Variants in MCUB observed in about 807,000 individuals in gnomAD.
MCUB encodes mitochondrial calcium uniporter dominant negative subunit beta, also known as calcium uniporter regulatory subunit MCUb, mitochondrial.
Under a neutral mutation model 41.4 loss-of-function variants are expected in MCUB, and 46 were observed. That is an observed-to-expected ratio of 1.11 (90% CI 0.88 to 1.42). The LOEUF (loss-of-function observed/expected upper bound fraction) is 1.42. MCUB is among the 40% of genes most tolerant of loss of function. The pLI is 0.00. For missense variants in MCUB, 403 were observed against 404.9 expected (o/e 1.00, Z 0.04); for synonymous variants, 148 against 148.2 (o/e 1.00, Z 0.01).
At chr4:109,587,248 C>T (rs528150178) in intron 1 of MCUB, among the ~76,000 whole-genome samples, 9 of 152,354 alleles carry the variant, frequency 5.9e-5, no homozygotes, top group South Asian at 4.1e-4. Context: ...GCTCCATGGG[C>T]GTGGGACCCA....
chr4:109,641,949 G>A (rs1728724450), intron 1 of MCUB, among the ~76,000 whole-genome samples: 1 of 152,128 alleles, frequency 6.6e-6, no homozygotes, highest in African/African-American at 2.4e-5. Flanking sequence ...TATAAAAGTG[G>A]TGACTATAAA....
intron 1 of MCUB, among the ~76,000 whole-genome samples, chr4:109,630,461 CTA>C (rs1176081658): frequency 6.6e-6 from 1 of 152,056 alleles, no homozygotes; most frequent in African/African-American, 2.4e-5. Context: ...GACCCCATCT[CTA>C]AAAAAATTTT....
chr4:109,600,543 CT>C, intron 1 of MCUB, among the ~76,000 whole-genome samples: 1 of 152,336 alleles, frequency 6.6e-6, no homozygotes, highest in South Asian at 2.1e-4. Context: ...AGTCACCCAT[CT>C]GATGCTCTGA....
chr4:109,646,789 C>G (rs1480597701), intron 1 of MCUB, among the ~76,000 whole-genome samples: 1 of 152,148 alleles, frequency 6.6e-6, no homozygotes, highest in Non-Finnish European at 1.5e-5. Context: ...GGTGTTCTGT[C>G]TGGAATGTTC....
intron 1 of MCUB, among the ~76,000 whole-genome samples, chr4:109,617,758 T>C (rs1728163067): frequency 6.6e-6 from 1 of 152,250 alleles, no homozygotes; most frequent in Admixed American, 6.5e-5. Context: ...ATGTTACAGT[T>C]AACATCTTTA....
chr4:109,604,094 C>T (rs1039862052), intron 1 of MCUB, among the ~76,000 whole-genome samples: 104 of 151,926 alleles, frequency 6.8e-4, no homozygotes, highest in Admixed American at 6.4e-3. Context: ...CCCCCAACCC[C>T]GTGCTCTCTG....
chr4:109,563,594 A>G (rs1275257580), intron 1 of MCUB, among the ~76,000 whole-genome samples: 3 of 152,246 alleles, frequency 2.0e-5, no homozygotes, highest in Non-Finnish European at 4.4e-5. Flanking sequence ...TCTCAAAGTA[A>G]TGCTAGACCA....
intron 1 of MCUB, among the ~76,000 whole-genome samples, chr4:109,579,519 C>G (rs1048070867): frequency 9.2e-5 from 14 of 152,110 alleles, no homozygotes; most frequent in African/African-American, 3.1e-4. Context: ...AAGTGTAAAC[C>G]TCACATTTAA....
In MCUB at chr4:109,677,653, C is replaced by T. The variant is rs115937916; in HGVS notation, c.452-4929C>T. On this transcript the variant is annotated intron_variant, in intron 4 of 7. Transcript: ENST00000394650. ...TGGCAGTGGGTTCCTTAATAAAGGACAAGTTCAGCCCCTGCTTGCTCTCTC... is the reference window on the plus strand; with the variant it reads ...TGGCAGTGGGTTCCTTAATAAAGGATAAGTTCAGCCCCTGCTTGCTCTCTC... Among the ~76,000 whole-genome samples the T allele has an allele frequency of 8.2e-3, 1,248 of 152,178 alleles. 21 individuals carry two copies. The highest frequency in any genetic ancestry group is 0.028 in the African/African-American group (1,155 of 41,522).
At position 109,560,316 on chromosome 4, in the gene MCUB, G is replaced by T; in HGVS notation, c.-22G>T. 8.3e-7 allele frequency: 1 copy of T among 1,207,804 alleles called. No individual in the cohort carries two copies. Among genetic ancestry groups the T allele is most frequent in the Non-Finnish European group, 1.0e-6 (1 of 960,268 alleles). The allele number at this position is 1,207,804 out of a possible 1,614,324, so 74.8% of individuals were successfully genotyped here. Reference sequence around the variant, plus strand: ...GGATGCGCCGCTGACGCCTGCGGGAGCCGCGCGCCTGGGGCGGGAGGATGC... The same window carrying T: ...GGATGCGCCGCTGACGCCTGCGGGATCCGCGCGCCTGGGGCGGGAGGATGC... On this transcript the variant is annotated 5_prime_UTR_variant, in exon 1 of 8. Transcript: ENST00000394650.
chr4:109,649,343 G>C (rs1489814503), intron 1 of MCUB, among the ~76,000 whole-genome samples: 1 of 151,866 alleles, frequency 6.6e-6, no homozygotes, highest in Non-Finnish European at 1.5e-5. Context: ...CTATTGGTTT[G>C]GAAGTACACA....
chr4:109,658,587 A>G (rs1484081911), intron 1 of MCUB, among the ~76,000 whole-genome samples: 1 of 152,094 alleles, frequency 6.6e-6, no homozygotes, highest in African/African-American at 2.4e-5. Flanking sequence ...GTGAGCCACC[A>G]TGCCCGGCCC....
intron 1 of MCUB, among the ~76,000 whole-genome samples, chr4:109,615,610 C>T (rs975475002): frequency 2.0e-4 from 30 of 151,858 alleles, no homozygotes; most frequent in Non-Finnish European, 3.7e-4. Context: ...GGGGTTTCAC[C>T]GTATTAGCCA....
At chr4:109,605,150 G>A (rs535808330) in intron 1 of MCUB, among the ~76,000 whole-genome samples, 1 of 151,946 alleles carries the variant, frequency 6.6e-6, no homozygotes. Context: ...TTGGGTCTTG[G>A]GCTTTTTTTT....
intron 1 of MCUB, among the ~76,000 whole-genome samples, chr4:109,573,964 C>T (rs1417745334): frequency 6.7e-6 from 1 of 149,530 alleles, no homozygotes; most frequent in African/African-American, 2.5e-5. Flanking sequence ...CCTCCACTTC[C>T]CAGGTTCAAG....
rs1281501442 is a variant in MCUB, at chr4:109,628,872, A to G, written c.100-30139A>G. Among the ~76,000 whole-genome samples the G allele has an allele frequency of 2.0e-5, 3 of 152,204 alleles. No homozygotes were observed. The South Asian group carries it at 6.2e-4, about 31-fold the overall frequency. ...CAGGCAGTCTGCCTCTGAAGCCTGCACCTTGCTTGTTTGTCTTTATGGTTA... is the reference window on the plus strand; with the variant it reads ...CAGGCAGTCTGCCTCTGAAGCCTGCGCCTTGCTTGTTTGTCTTTATGGTTA... On this transcript the variant is annotated intron_variant, in intron 1 of 7. Transcript: ENST00000394650.
chr4:109,574,304 G>A (rs925860480), intron 1 of MCUB, among the ~76,000 whole-genome samples: 27 of 152,212 alleles, frequency 1.8e-4, no homozygotes, highest in African/African-American at 6.5e-4. Flanking sequence ...GAGCAGAATA[G>A]GTAGGCAGAG....
intron 1 of MCUB, among the ~76,000 whole-genome samples, chr4:109,593,082 G>C (rs933613065): frequency 4.6e-5 from 7 of 152,142 alleles, no homozygotes; most frequent in Admixed American, 2.0e-4. Context: ...TCACTTCAAG[G>C]CTAGAGCAAG....
chr4:109,573,419 C>T (rs1246176509), intron 1 of MCUB, among the ~76,000 whole-genome samples: 2 of 150,384 alleles, frequency 1.3e-5, no homozygotes, highest in Non-Finnish European at 3.0e-5. Flanking sequence ...CGCCACCACA[C>T]TCCAGCCTGA....
Sources: gnomAD v4.1 joint callset for allele counts (sites outside exome capture counted in the v4.1 genomes callset) on GRCh38, gnomAD v4.1.1 for gene constraint, MANE v1.5 for transcripts, NCBI Gene and HGNC (gene_info 2026-07-23, HGNC 2026-07-21) for gene names.